Variants in RALYL observed in about 807,000 individuals in gnomAD.
RALYL encodes RALY RNA binding protein like.
A neutral mutation model predicts 35.1 loss-of-function variants in RALYL; 29 were observed. That is an observed-to-expected ratio of 0.83 (90% confidence interval 0.61 to 1.13). RALYL has a LOEUF of 1.13. RALYL is among the 50% of genes most tolerant of loss of function. RALYL has a pLI of 0.00. For synonymous variants in RALYL, 120 were observed against 127.6 expected (o/e 0.94, Z 0.40); for missense variants, 359 against 360.4 (o/e 1.00, Z 0.03).
At chr8:84,305,538 TGAA>T (rs1041752087) in intron 1 of RALYL, among the ~76,000 whole-genome samples, 2 of 152,208 alleles carry the variant, frequency 1.3e-5, no homozygotes, top group African/African-American at 2.4e-5. Flanking sequence ...ATGAAACAAA[TGAA>T]GAAAAAGTAC....
chr8:84,600,022 T>C (rs1429615371), intron 2 of RALYL, among the ~76,000 whole-genome samples: 1 of 151,928 alleles, frequency 6.6e-6, no homozygotes, highest in Non-Finnish European at 1.5e-5. Context: ...ATTTTTATGT[T>C]GCCAATCTTT....
At chr8:84,212,828 C>T (rs9298420) in intron 1 of RALYL, among the ~76,000 whole-genome samples, 25,957 of 152,040 alleles carry the variant, frequency 0.17, 2,721 homozygotes, top group Non-Finnish European at 0.25. Flanking sequence ...ATGTCTGAAA[C>T]AAGCTGTTTT....
intron 7 of RALYL, among the ~76,000 whole-genome samples, chr8:84,884,732 A>G (rs572432124): frequency 3.3e-4 from 50 of 152,234 alleles, no homozygotes; most frequent in Non-Finnish European, 5.9e-4. Context: ...ATGACCTGAC[A>G]TTGAGAATGT....
At chr8:84,285,213 G>T (rs963213274) in intron 1 of RALYL, among the ~76,000 whole-genome samples, 6 of 152,058 alleles carry the variant, frequency 3.9e-5, no homozygotes, top group Non-Finnish European at 8.8e-5. Flanking sequence ...AACAAAACCT[G>T]TAATACTTAA....
At position 84,760,927 on chromosome 8, in the gene RALYL, CATG is replaced by C. The variant is rs2133362955; in HGVS notation, c.257-13649_257-13647del. On this transcript the variant is annotated intron_variant, in intron 2 of 8. Transcript: ENST00000521268. ...ATGAAATTGAGAATGCCTGTAACTG[CATG>C]ATATCTACATTTGCTGAGACATTCA... is the stretch of plus-strand genomic sequence containing the variant. 2.0e-5 allele frequency among the ~76,000 whole-genome samples: 3 copies of C among 152,136 alleles called. No homozygotes were observed. In the South Asian group the frequency reaches 6.2e-4, roughly 32 times the overall value.
intron 2 of RALYL, among the ~76,000 whole-genome samples, chr8:84,552,653 T>C (rs376548100): frequency 1.3e-5 from 2 of 152,146 alleles, no homozygotes; most frequent in South Asian, 2.1e-4. Context: ...CTCCTTGCTG[T>C]TGATCTAACC....
chr8:84,793,170 A>T (rs1202368889), intron 3 of RALYL, among the ~76,000 whole-genome samples: 2 of 152,172 alleles, frequency 1.3e-5, no homozygotes, highest in Non-Finnish European at 2.9e-5. Context: ...CAGTATATAG[A>T]TGGTATTCAA....
intron 1 of RALYL, chr8:84,184,866 G>A: frequency 9.3e-7 from 1 of 1,071,466 alleles, no homozygotes. Context: ...GGGAGATGGG[G>A]GTAGAAGCGG....
intron 1 of RALYL, among the ~76,000 whole-genome samples, chr8:84,305,262 TTAACA>T (rs1256003964): frequency 2.6e-4 from 40 of 152,332 alleles, no homozygotes; most frequent in African/African-American, 8.7e-4. Flanking sequence ...TTAAAAATTC[TTAACA>T]TAAAGTAATA....
chr8:84,750,175 A>G (rs1041654574), intron 2 of RALYL, among the ~76,000 whole-genome samples: 1 of 152,244 alleles, frequency 6.6e-6, no homozygotes, highest in South Asian at 2.1e-4. Context: ...TAGTACAGTA[A>G]AAGCCTTGTT....
At chr8:84,548,348 C>T (rs1032861473) in intron 2 of RALYL, among the ~76,000 whole-genome samples, 33 of 152,092 alleles carry the variant, frequency 2.2e-4, no homozygotes, top group Admixed American at 1.0e-3. Flanking sequence ...TTACAGATAC[C>T]TTTTTCTCCA....
At chr8:84,872,843 A>T (rs1326442307) in intron 6 of RALYL, 2 of 152,714 alleles carry the variant, frequency 1.3e-5, no homozygotes, top group Non-Finnish European at 2.9e-5. Context: ...GGTTTCCATC[A>T]ATCTTCAAGG....
intron 1 of RALYL, among the ~76,000 whole-genome samples, chr8:84,331,111 A>T (rs1846720996): frequency 6.6e-6 from 1 of 152,118 alleles, no homozygotes; most frequent in Non-Finnish European, 1.5e-5. Flanking sequence ...TTGGAAATGT[A>T]TATAAGACAT....
At chr8:84,785,997 A>G (rs1485436357) in intron 3 of RALYL, among the ~76,000 whole-genome samples, 3 of 152,118 alleles carry the variant, frequency 2.0e-5, no homozygotes, top group East Asian at 3.9e-4. Flanking sequence ...CTCACCGCCC[A>G]TAGGCCCGAG....
chr8:84,633,331 G>A (rs995990132), intron 2 of RALYL, among the ~76,000 whole-genome samples: 1 of 151,564 alleles, frequency 6.6e-6, no homozygotes, highest in African/African-American at 2.4e-5. Context: ...ATCACATCAG[G>A]CAAATAAAAT....
chr8:84,529,875 G>C (rs1317524534), intron 2 of RALYL, among the ~76,000 whole-genome samples: 1 of 152,074 alleles, frequency 6.6e-6, no homozygotes, highest in African/African-American at 2.4e-5. Flanking sequence ...TTTGACTTGA[G>C]ATAGCATCTG....
intron 1 of RALYL, among the ~76,000 whole-genome samples, chr8:84,464,432 A>C (rs551684273): frequency 0.03 from 4,579 of 150,738 alleles, 100 homozygotes; most frequent in Middle Eastern, 0.038. Flanking sequence ...GAGAATGATG[A>C]TTTCCAATTT....
chr8:84,395,530 C>A (rs771065943), intron 1 of RALYL, among the ~76,000 whole-genome samples: 4 of 151,790 alleles, frequency 2.6e-5, no homozygotes, highest in African/African-American at 9.7e-5. Flanking sequence ...ATGATGTAAT[C>A]CGCCATCAGC....
In RALYL at chr8:84,599,306, G is replaced by T. The variant is rs1393310023; in HGVS notation, c.256+69729G>T. 2.0e-5 allele frequency among the ~76,000 whole-genome samples: 3 copies of T among 151,862 alleles called. No homozygotes were observed. In the East Asian group the frequency reaches 5.8e-4, roughly 29 times the overall value. ...TTTATATATTTAATATTAGCTAGAAGAAAATATTTAGCATAGTTAAATTTA... is the reference window on the plus strand; with the variant it reads ...TTTATATATTTAATATTAGCTAGAATAAAATATTTAGCATAGTTAAATTTA... On this transcript the variant is annotated intron_variant, in intron 2 of 8. Coordinates refer to ENST00000521268, the MANE Select transcript of RALYL (RefSeq NM_173848.7).
Sources: gnomAD v4.1 joint callset for allele counts (sites outside exome capture counted in the v4.1 genomes callset) on GRCh38, gnomAD v4.1.1 for gene constraint, MANE v1.5 for transcripts, NCBI Gene and HGNC (gene_info 2026-07-23, HGNC 2026-07-21) for gene names.